MALRD1: variants seen among roughly 807,000 people sequenced by gnomAD.
The protein encoded by MALRD1 is MAM and LDL receptor class A domain containing 1, also known as MAM and LDL-receptor class A domain-containing protein 1.
In MALRD1, 247 loss-of-function variants were observed where a neutral mutation model predicts 242.1. That is an observed-to-expected ratio of 1.02 (90% CI 0.92 to 1.13). MALRD1 has a LOEUF of 1.13. MALRD1 is among the 50% of genes most tolerant of loss of function. The pLI is 0.00. For synonymous variants in MALRD1, 995 were observed against 866.6 expected, an observed-to-expected ratio of 1.15 and a Z score of -2.60; for missense variants, 2,989 against 2,533.1, an observed-to-expected ratio of 1.18 and a Z score of -3.86.
Position 19,430,613 on chromosome 10 carries a change from T to G in MALRD1, c.4846-19694T>G, listed in dbSNP as rs75368215. On this transcript the variant is annotated intron_variant, in intron 28 of 39. Coordinates refer to ENST00000454679, the MANE Select transcript of MALRD1 (RefSeq NM_001142308.3). ...CAAGTATAATCATTACATGTTTTCC[T>G]TGCCTTTTATCTGTGAGCTCCTTAA... Among the ~76,000 whole-genome samples the G allele has an allele frequency of 6.4e-3, 980 of 152,322 alleles. 14 individuals carry two copies. The highest frequency in any genetic ancestry group is 0.022 in the African/African-American group (935 of 41,570).
At chr10:19,514,022 G>T (rs780590094) in intron 31 of MALRD1, among the ~76,000 whole-genome samples, 1 of 152,050 alleles carries the variant, frequency 6.6e-6, no homozygotes, top group Admixed American at 6.6e-5. Context: ...AGTCCTTTCC[G>T]TGAATCCCCT....
chr10:19,601,619 TG>T (rs1207294328), intron 34 of MALRD1, among the ~76,000 whole-genome samples: 14 of 152,058 alleles, frequency 9.2e-5, no homozygotes, highest in African/African-American at 3.4e-4. Context: ...CTTTTTATAT[TG>T]AAACCATTTA....
chr10:19,310,534 A>C (rs1374437604), intron 21 of MALRD1, among the ~76,000 whole-genome samples: 1 of 151,630 alleles, frequency 6.6e-6, no homozygotes, highest in Non-Finnish European at 1.5e-5. Flanking sequence ...TTCTGTGAAC[A>C]CAGGAGATAA....
At chr10:19,276,379 T>A (rs1386933831) in intron 19 of MALRD1, among the ~76,000 whole-genome samples, 1 of 136,524 alleles carries the variant, frequency 7.3e-6, no homozygotes, top group African/African-American at 2.7e-5. Context: ...TCAAATTAGA[T>A]TATTTTTAAG....
chr10:19,147,625 C>T (rs955696339), intron 11 of MALRD1, among the ~76,000 whole-genome samples: 3 of 152,144 alleles, frequency 2.0e-5, no homozygotes, highest in African/African-American at 7.2e-5. Context: ...CCTGGATGCA[C>T]AAAGATGGAT....
At chr10:19,649,296 C>G (rs985529720) in intron 36 of MALRD1, among the ~76,000 whole-genome samples, 2 of 152,276 alleles carry the variant, frequency 1.3e-5, no homozygotes, top group Non-Finnish European at 2.9e-5. Context: ...GCTTTTAGCT[C>G]CTTGAGGAAT....
intron 5 of MALRD1, among the ~76,000 whole-genome samples, chr10:19,121,348 C>T (rs1490683368): frequency 1.3e-5 from 2 of 152,012 alleles, no homozygotes; most frequent in East Asian, 3.9e-4. Flanking sequence ...CCTACTTGTA[C>T]ACTTTAAAAT....
At chr10:19,307,235 T>C (rs1427107187) in intron 21 of MALRD1, among the ~76,000 whole-genome samples, 1 of 151,464 alleles carries the variant, frequency 6.6e-6, no homozygotes, top group African/African-American at 2.4e-5. Context: ...CATCAAACTC[T>C]CTCACCTGAA....
At chr10:19,174,581 C>T (rs898150845) in intron 13 of MALRD1, among the ~76,000 whole-genome samples, 1 of 151,742 alleles carries the variant, frequency 6.6e-6, no homozygotes, top group African/African-American at 2.4e-5. Flanking sequence ...CTTGGAATAA[C>T]AACATAATAT....
At chr10:19,553,712 T>C (rs1835593186) in intron 32 of MALRD1, among the ~76,000 whole-genome samples, 1 of 152,196 alleles carries the variant, frequency 6.6e-6, no homozygotes, top group African/African-American at 2.4e-5. Flanking sequence ...AATAAATAGA[T>C]GATGAAAATA....
chr10:19,313,120 A>G (rs555691319), intron 21 of MALRD1, among the ~76,000 whole-genome samples: 1 of 151,552 alleles, frequency 6.6e-6, no homozygotes, highest in African/African-American at 2.4e-5. Context: ...CTAAGAGAAC[A>G]TGTGGTTTAC....
At chr10:19,217,882 A>G (rs1837392415) in intron 18 of MALRD1, among the ~76,000 whole-genome samples, 1 of 152,092 alleles carries the variant, frequency 6.6e-6, no homozygotes, top group Admixed American at 6.5e-5. Context: ...GAATGCAGGG[A>G]CTATTTCCTT....
chr10:19,117,932 T>C (rs1488159291), intron 5 of MALRD1, among the ~76,000 whole-genome samples: 1 of 151,432 alleles, frequency 6.6e-6, no homozygotes, highest in Non-Finnish European at 1.5e-5. Flanking sequence ...TAGATAGTCG[T>C]GTGATAGCGG....
At chr10:19,278,675 T>A (rs1301446812) in intron 19 of MALRD1, among the ~76,000 whole-genome samples, 1 of 152,132 alleles carries the variant, frequency 6.6e-6, no homozygotes, top group African/African-American at 2.4e-5. Flanking sequence ...TACATCTGAC[T>A]GCCTTGCCCA....
chr10:19,054,422 C>T (rs1834602754), intron 1 of MALRD1, among the ~76,000 whole-genome samples: 1 of 152,084 alleles, frequency 6.6e-6, no homozygotes, highest in South Asian at 2.1e-4. Flanking sequence ...TGTGACAAGA[C>T]ATTGAAATTT....
chr10:19,656,838 T>A (rs182075378), intron 36 of MALRD1, among the ~76,000 whole-genome samples: 27 of 152,318 alleles, frequency 1.8e-4, no homozygotes, highest in Admixed American at 1.7e-3. Context: ...CTTTTCATTA[T>A]GACACACACA....
intron 29 of MALRD1, among the ~76,000 whole-genome samples, chr10:19,464,130 T>C (rs912015001): frequency 2.6e-5 from 4 of 152,204 alleles, no homozygotes; most frequent in East Asian, 1.9e-4. Context: ...GTCAGAGGTA[T>C]ATATTGTGAA....
intron 4 of MALRD1, among the ~76,000 whole-genome samples, chr10:19,095,097 A>T (rs1046926008): frequency 2.0e-5 from 3 of 152,204 alleles, no homozygotes; most frequent in African/African-American, 7.2e-5. Flanking sequence ...GATATAAATC[A>T]TATCATTTGT....
intron 38 of MALRD1, among the ~76,000 whole-genome samples, chr10:19,713,044 AG>A (rs35599289): frequency 0.56 from 82,850 of 147,606 alleles, 22,758 homozygotes; most frequent in South Asian, 0.63. Context: ...CCAGAAATGA[AG>A]GGGGGGGTTC....
Sources: gnomAD v4.1 joint callset for allele counts (sites outside exome capture counted in the v4.1 genomes callset) on GRCh38, gnomAD v4.1.1 for gene constraint, MANE v1.5 for transcripts, NCBI Gene and HGNC (gene_info 2026-07-23, HGNC 2026-07-21) for gene names.